Variants in SEMA3A observed in about 807,000 individuals in gnomAD.
SEMA3A encodes semaphorin-3A.
A neutral mutation model predicts 97.9 loss-of-function variants in SEMA3A; 29 were observed. That is an observed-to-expected ratio of 0.30 (90% CI 0.22 to 0.40). The LOEUF is 0.40. SEMA3A is among the 10% of genes least tolerant of loss of function. SEMA3A has a pLI of 1.00. For synonymous variants in SEMA3A, 321 were observed against 323.7 expected, an observed-to-expected ratio of 0.99 and a Z score of 0.09; for missense variants, 763 against 951.3, an observed-to-expected ratio of 0.80 and a Z score of 2.60.
intron 3 of SEMA3A, among the ~76,000 whole-genome samples, chr7:84,243,128 G>A (rs1799403937): frequency 6.6e-6 from 1 of 152,116 alleles, no homozygotes; most frequent in East Asian, 1.9e-4. Flanking sequence ...TTGTGTCTCT[G>A]CCAGGTTTTG....
intron 4 of SEMA3A, among the ~76,000 whole-genome samples, chr7:84,079,991 G>A (rs1794094369): frequency 1.4e-5 from 2 of 144,892 alleles, no homozygotes; most frequent in East Asian, 2.0e-4. Context: ...AAGAAAATGT[G>A]GCACATATAC....
In SEMA3A at chr7:84,046,463, C is replaced by T; in HGVS notation, c.548-20G>A. 6.2e-7 allele frequency: 1 copy of T among 1,610,480 alleles called. No individual in the cohort carries two copies. Among genetic ancestry groups the T allele is most frequent in the Non-Finnish European group, 8.5e-7 (1 of 1,178,326 alleles). The stretch of plus-strand genomic sequence containing the variant: ...CTCCATCTGTGTTGTGACAAAACCA[C>T]ATACACATTCTTTAATTCAATTAAG... On this transcript the variant is annotated intron_variant, in intron 5 of 16. Transcript: ENST00000265362.
At chr7:83,977,221 GT>G in intron 14 of SEMA3A, 25 bp from the exon 15 acceptor site, 1 of 1,399,776 alleles carries the variant, frequency 7.1e-7, no homozygotes, top group Non-Finnish European at 9.9e-7. Flanking sequence ...TTTAAAAGGT[GT>G]TATTGTATCC....
chr7:84,102,950 G>A (rs889724548), intron 4 of SEMA3A, among the ~76,000 whole-genome samples: 1 of 151,708 alleles, frequency 6.6e-6, no homozygotes, highest in East Asian at 1.9e-4. Flanking sequence ...ACCACATATT[G>A]TATGGGGGTT....
At chr7:84,253,983 A>G (rs1230864406) in intron 3 of SEMA3A, among the ~76,000 whole-genome samples, 2 of 152,214 alleles carry the variant, frequency 1.3e-5, no homozygotes, top group African/African-American at 4.8e-5. Context: ...AAATATTAAC[A>G]TGATAGTGAA....
rs962873661 is a variant in SEMA3A at position 84,328,350 on chromosome 7, T to C, written c.-168-21058A>G. On this transcript the variant is annotated intron_variant, in intron 2 of 3. Coordinates refer to the SEMA3A transcript ENST00000424555. Reference sequence around the variant, plus strand: ...AACATGAATGACCTCTTTAACACCATGTCCTACAGAAAGTTCTGACATAAC... The same window carrying C: ...AACATGAATGACCTCTTTAACACCACGTCCTACAGAAAGTTCTGACATAAC... 3.3e-5 allele frequency among the ~76,000 whole-genome samples: 5 copies of C among 151,976 alleles called. No individual in the cohort carries two copies. The East Asian group carries it at 9.6e-4, about 29-fold the overall frequency.
At chr7:84,076,987 T>C (rs544109758) in intron 4 of SEMA3A, among the ~76,000 whole-genome samples, 2 of 152,236 alleles carry the variant, frequency 1.3e-5, no homozygotes, top group South Asian at 2.1e-4. Flanking sequence ...ATCTTTTTAA[T>C]AGGAGCTTAA....
chr7:84,366,098 C>T (rs947054039), intron 2 of SEMA3A, among the ~76,000 whole-genome samples: 1 of 151,338 alleles, frequency 6.6e-6, no homozygotes, highest in African/African-American at 2.4e-5. Context: ...CACAGACAGA[C>T]ACATTATTAT....
At chr7:84,405,939 G>T (rs938124785) in intron 1 of SEMA3A, among the ~76,000 whole-genome samples, 4 of 152,090 alleles carry the variant, frequency 2.6e-5, no homozygotes, top group African/African-American at 9.7e-5. Context: ...GGCCACAAGA[G>T]AAAGCAGGAA....
intron 3 of SEMA3A, among the ~76,000 whole-genome samples, chr7:84,285,026 C>A (rs527467754): frequency 2.6e-4 from 40 of 152,192 alleles, no homozygotes; most frequent in Middle Eastern, 3.4e-3. Context: ...TGGCAGTGCA[C>A]GTTCTCCACT....
chr7:84,378,007 A>T (rs1018145850), intron 1 of SEMA3A, among the ~76,000 whole-genome samples: 1 of 152,078 alleles, frequency 6.6e-6, no homozygotes. Context: ...CCTCGGGTTC[A>T]TCTGATCACC....
chr7:84,082,712 T>A (rs1206724678), intron 4 of SEMA3A, among the ~76,000 whole-genome samples: 2 of 152,054 alleles, frequency 1.3e-5, no homozygotes, highest in African/African-American at 4.8e-5. Context: ...ACAAGCAAAG[T>A]CAAAGATGCT....
intron 4 of SEMA3A, among the ~76,000 whole-genome samples, chr7:84,094,772 G>C (rs1278902272): frequency 6.6e-6 from 1 of 151,968 alleles, no homozygotes; most frequent in Admixed American, 6.6e-5. Flanking sequence ...TTAATTGCCC[G>C]TTGAAATATT....
At chr7:84,184,002 T>C (rs912374744) in intron 1 of SEMA3A, among the ~76,000 whole-genome samples, 5 of 152,174 alleles carry the variant, frequency 3.3e-5, no homozygotes, top group African/African-American at 1.2e-4. Context: ...ATTCTCTCAG[T>C]ATCAATGTGC....
intron 1 of SEMA3A, among the ~76,000 whole-genome samples, chr7:84,396,392 A>C (rs1284453512): frequency 2.0e-5 from 3 of 151,852 alleles, no homozygotes; most frequent in African/African-American, 7.2e-5. Context: ...GTAATGTAAA[A>C]AGGTAATAAA....
rs188794547 is a variant in SEMA3A at position 84,160,704 on chromosome 7, C to T, written c.113-25753G>A. ...ATCAGCCTGGCCAACATGGTGAAAC[C>T]CTGTCTCTACTAATAATACAAAAAA... On this transcript the variant is annotated intron_variant, in intron 1 of 16. Coordinates refer to ENST00000265362, the MANE Select transcript of SEMA3A (RefSeq NM_006080.3). Among the ~76,000 whole-genome samples the T allele has an allele frequency of 2.7e-3, 411 of 151,972 alleles. 1 individual carries two copies. The highest frequency in any genetic ancestry group is 4.4e-3 in the Non-Finnish European group (299 of 67,986).
intron 12 of SEMA3A, among the ~76,000 whole-genome samples, chr7:83,998,687 A>G (rs1790316584): frequency 6.6e-6 from 1 of 152,192 alleles, no homozygotes; most frequent in Admixed American, 6.5e-5. Context: ...TTGTAAAAAC[A>G]TTTAGCTTAA....
At chr7:84,424,960 T>A (rs147604928) in intron 1 of SEMA3A, among the ~76,000 whole-genome samples, 18,702 of 101,442 alleles carry the variant, frequency 0.18, 1,866 homozygotes, top group Middle Eastern at 0.32. Flanking sequence ...TAATTATATA[T>A]ATAATTTATA....
chr7:84,147,799 C>A (rs1796506620), intron 1 of SEMA3A, among the ~76,000 whole-genome samples: 1 of 152,248 alleles, frequency 6.6e-6, no homozygotes, highest in South Asian at 2.1e-4. Flanking sequence ...TTACAACATG[C>A]CTGGTGCTAT....
Sources: allele counts gnomAD v4.1 joint callset (sites outside exome capture counted in the v4.1 genomes callset), GRCh38; gene constraint gnomAD v4.1.1; transcripts MANE v1.5; gene names NCBI Gene and HGNC (gene_info 2026-07-23, HGNC 2026-07-21).